PSIP1: variants seen among roughly 807,000 people sequenced by gnomAD.
PSIP1 encodes PC4 and SFRS1-interacting protein.
A neutral mutation model predicts 74.7 loss-of-function variants in PSIP1; 19 were observed. The ratio of observed to expected loss-of-function variants is 0.25; its 90% CI spans 0.18 to 0.37. PSIP1 has a LOEUF of 0.37. Among genes scored for constraint, PSIP1 ranks in the 10% least tolerant of loss-of-function variants. The pLI is 1.00. For synonymous variants in PSIP1, 222 were observed against 195.3 expected, an observed-to-expected ratio of 1.14 and a Z score of -1.14; for missense variants, 601 against 614.3, an observed-to-expected ratio of 0.98 and a Z score of 0.23.
chr9:15,469,107 AAAC>A (rs772525689), intron 12 of PSIP1, 49 bp from the exon 13 acceptor site: 68 of 1,532,750 alleles, frequency 4.4e-5, no homozygotes, highest in Non-Finnish European at 5.6e-5. Flanking sequence ...CTTAACACTT[AAAC>A]AATCTGTTTC....
At chr9:15,481,609 A>C (rs2036339241) in intron 6 of PSIP1, among the ~76,000 whole-genome samples, 1 of 152,148 alleles carries the variant, frequency 6.6e-6, no homozygotes, top group African/African-American at 2.4e-5. Flanking sequence ...ACTTGAACCC[A>C]GGAGGCAGAG....
chr9:15,467,015 T>C (rs1327306850), intron 14 of PSIP1, among the ~76,000 whole-genome samples, 156 bp from the exon 15 acceptor site: 1 of 122,144 alleles, frequency 8.2e-6, no homozygotes, highest in African/African-American at 3.3e-5. Context: ...CAGCCCTCTC[T>C]TGAATGTTAG....
intron 15 of PSIP1, among the ~76,000 whole-genome samples, chr9:15,466,524 T>C (rs2035638274): frequency 6.6e-6 from 1 of 152,248 alleles, no homozygotes; most frequent in Non-Finnish European, 1.5e-5. Context: ...TCTTTTTAAC[T>C]GGGTTCCCAG....
intron 8 of PSIP1, among the ~76,000 whole-genome samples, chr9:15,475,156 C>T (rs2036022382): frequency 2.0e-5 from 3 of 152,262 alleles, no homozygotes; most frequent in African/African-American, 7.2e-5. Flanking sequence ...TTTACTTTTG[C>T]CCCTTTAGAA....
At chr9:15,465,789 A>ACCAAC (rs375005293) in intron 15 of PSIP1, 1 of 481,862 alleles carries the variant, frequency 2.1e-6, no homozygotes, top group African/African-American at 2.0e-5. Context: ...TTCTTCCCAA[A>ACCAAC]GTAATATGCA....
chr9:15,473,963 ATAAAC>A, intron 9 of PSIP1, 41 bp downstream of exon 9: 2 of 1,347,526 alleles, frequency 1.5e-6, no homozygotes, highest in Non-Finnish European at 2.0e-6. Context: ...AAATATATAT[ATAAAC>A]TAAGAATAGA....
At chr9:15,499,588 C>T (rs2037236722) in intron 3 of PSIP1, among the ~76,000 whole-genome samples, 1 of 152,122 alleles carries the variant, frequency 6.6e-6, no homozygotes, top group African/African-American at 2.4e-5. Context: ...AGAAACAAGT[C>T]ACAGGCCAGG....
At position 15,464,823 on chromosome 9, in the gene PSIP1, AC is replaced by A. The variant is rs2035501818; in HGVS notation, c.*696del. 1 of 208,448 alleles carries A rather than the reference AC, an allele frequency of 4.8e-6. No individual in the cohort carries two copies. Among genetic ancestry groups the A allele is most frequent in the South Asian group, 1.9e-4 (1 of 5,330 alleles). 12.9% of individuals were successfully genotyped at this position (208,448 alleles called of 1,614,324 possible). ...CAGTTGTCTGCAAAGAAGTCCTAAG[AC>A]TTCACTGAATGCCCAGCCACAAAAC... On this transcript the variant is annotated 3_prime_UTR_variant, in exon 16 of 16. Transcript: ENST00000380733.
At chr9:15,510,077 A>G in intron 2 of PSIP1, 40 bp downstream of exon 2, 2 of 1,559,062 alleles carry the variant, frequency 1.3e-6, no homozygotes, top group African/African-American at 2.8e-5. Context: ...TCTGGAGAGG[A>G]GGGTAGCACT....
At chr9:15,468,211 G>A (rs143600754) in intron 14 of PSIP1, among the ~76,000 whole-genome samples, 1 of 151,720 alleles carries the variant, frequency 6.6e-6, no homozygotes, top group African/African-American at 2.4e-5. Flanking sequence ...CCTGTATCAA[G>A]TAATGGCAGG....
At chr9:15,488,712 C>T (rs935012307) in intron 4 of PSIP1, among the ~76,000 whole-genome samples, 2 of 152,072 alleles carry the variant, frequency 1.3e-5, no homozygotes, top group Admixed American at 6.5e-5. Flanking sequence ...AGGTGAAACC[C>T]CGTCTCTACT....
rs2035475510 is a variant in PSIP1 at position 15,464,491 on chromosome 9, TACAGACTTATCAAAGTACAATGCTGGA to T, written c.*1002_*1028del. ...TGGATTTAGTCCATACACGTCAATG[TACAGACTTATCAAAGTACAATGCTGGA>T]ACAACTAGTGTTTGTATTTTTGGAA... On this transcript the variant is annotated 3_prime_UTR_variant, in exon 16 of 16. Transcript: ENST00000380733. 2 of 201,196 alleles carry T rather than the reference TACAGACTTATCAAAGTACAATGCTGGA, an allele frequency of 9.9e-6. No homozygotes were observed. Among genetic ancestry groups the T allele is most frequent in the Non-Finnish European group, 1.0e-5 (1 of 97,828 alleles). The allele number at this position is 201,196 out of a possible 1,614,324, so 12.5% of individuals were successfully genotyped here.
chr9:15,469,916 C>G (rs1487802613), intron 11 of PSIP1, 22 bp downstream of exon 11: 4 of 1,588,750 alleles, frequency 2.5e-6, no homozygotes, highest in Non-Finnish European at 3.4e-6. Context: ...TTTTATGTAT[C>G]TTAGAAAGTG....
intron 2 of PSIP1, among the ~76,000 whole-genome samples, chr9:15,506,893 G>A (rs1000103864): frequency 2.0e-5 from 3 of 152,140 alleles, no homozygotes; most frequent in African/African-American, 7.2e-5. Context: ...TGTTTCCACT[G>A]TTGTTTCTTT....
At chr9:15,465,720 T>C (rs1289650442) in intron 15 of PSIP1, 140 bp from the exon 16 acceptor site, 17 of 625,504 alleles carry the variant, frequency 2.7e-5, no homozygotes, top group Non-Finnish European at 3.0e-5. Context: ...TGACTTGTTA[T>C]TAGAACAGTC....
chr9:15,478,128 A>T (rs2665505), intron 8 of PSIP1, among the ~76,000 whole-genome samples: 1,158 of 111,428 alleles, frequency 0.01, 8 homozygotes, highest in African/African-American at 0.052. Flanking sequence ...CCCCATCTTT[A>T]AAAAAAAAAA....
In PSIP1 at chr9:15,474,241, T is replaced by C; in HGVS notation, c.630-4A>G. ...ACTTTTGTCCTCTTCAGTAATGCTA[T>C]TTTAGAGAACATAACAATGTATACT... On this transcript the variant is annotated splice_polypyrimidine_tract_variant and splice_region_variant and intron_variant, in intron 8 of 15. Coordinates refer to ENST00000380733, the MANE Select transcript of PSIP1 (RefSeq NM_033222.5). 11 of 1,596,500 alleles carry C rather than the reference T, an allele frequency of 6.9e-6. No individual in the cohort carries two copies. Among genetic ancestry groups the C allele is most frequent in the Non-Finnish European group, 9.4e-6 (11 of 1,169,972 alleles).
At chr9:15,495,695 T>C (rs1341162889) in intron 3 of PSIP1, among the ~76,000 whole-genome samples, 1 of 152,228 alleles carries the variant, frequency 6.6e-6, no homozygotes, top group Non-Finnish European at 1.5e-5. Flanking sequence ...CACATTCCAA[T>C]ATTTTATCCT....
rs112671758 is a variant in PSIP1, at chr9:15,501,840, C to CATATATATATATATATATAT, written c.149+4701_149+4720dup. On this transcript the variant is annotated intron_variant, in intron 3 of 15. Coordinates refer to ENST00000380733, the MANE Select transcript of PSIP1 (RefSeq NM_033222.5). ...TGTTTAAGTCCCTTATATAAAACAG[C>CATATATATATATATATATAT]ATATATATATATATATATATATATA... 4.4e-3 allele frequency among the ~76,000 whole-genome samples: 552 copies of CATATATATATATATATATAT among 124,378 alleles called. 5 individuals are homozygous for CATATATATATATATATATAT. Among genetic ancestry groups the CATATATATATATATATATAT allele is most frequent in the Middle Eastern group, 8.1e-3 (2 of 246 alleles). The allele number at this position is 124,378 out of a possible 152,430, so 81.6% of individuals were successfully genotyped here. A position where few individuals can be genotyped will look rare whatever the true frequency, so the allele number is the denominator to read the frequency against.
Sources: gnomAD v4.1 joint callset for allele counts (sites outside exome capture counted in the v4.1 genomes callset) on GRCh38, gnomAD v4.1.1 for gene constraint, MANE v1.5 for transcripts, NCBI Gene and HGNC (gene_info 2026-07-23, HGNC 2026-07-21) for gene names.